The following ATM variants were observed in gnomAD, a reference collection of about 807,000 sequenced individuals.
The protein encoded by ATM is ATM serine/threonine kinase.
Under a neutral mutation model 387.0 loss-of-function variants are expected in ATM, and 308 were observed. The observed-to-expected ratio is 0.80, with a 90% CI of 0.73 to 0.87. The LOEUF (loss-of-function observed/expected upper bound fraction) is 0.87. Ranked by LOEUF, ATM falls within the 40% of genes least tolerant of loss-of-function variation. The pLI is 0.00. For synonymous variants in ATM, 1,156 were observed against 1,187.3 expected (o/e 0.97, Z 0.54); for missense variants, 3,312 against 3,560.9 (o/e 0.93, Z 1.78).
Position 108,302,897 on chromosome 11 carries a change from C to T in ATM, c.5364C>T (p.Gly1788=), listed in dbSNP as rs780134093. 2.5e-6 allele frequency: 4 copies of T among 1,613,222 alleles called. No homozygotes were observed. In the Admixed American group the frequency reaches 6.7e-5, roughly 27 times the overall value. ...PRFDKENPFE[G]LDDINLWIPL... is the part of the protein sequence containing the mutation. ...TTGACAAAGAAAACCCTTTTGAAGGCCTGGATGATATAAATCTGTGGATTC... is the reference window on the plus strand; with the variant it reads ...TTGACAAAGAAAACCCTTTTGAAGGTCTGGATGATATAAATCTGTGGATTC... Residue 1788 remains glycine (G), a synonymous_variant, in exon 36 of 63, where the codon GGC becomes GGT. Coordinates refer to ENST00000675843, the MANE Select transcript of ATM (RefSeq NM_000051.4).
chr11:108,280,896 T>A, intron 23 of ATM, 99 bp from the exon 24 acceptor site: 1 of 1,112,626 alleles, frequency 9.0e-7, no homozygotes, highest in Non-Finnish European at 1.3e-6. Context: ...CTGAAATGTG[T>A]ATAGCTTGTC....
chr11:108,316,592 C>T (rs777077400), intron 42 of ATM, among the ~76,000 whole-genome samples: 1 of 151,850 alleles, frequency 6.6e-6, no homozygotes, highest in Non-Finnish European at 1.5e-5. Flanking sequence ...TTTTGGGAAA[C>T]ATTAAACGAT....
rs751665578 is a variant in ATM, at chr11:108,321,293, G to C, written c.6453-8G>C. The C allele has an allele frequency of 1.2e-6, 2 of 1,612,316 alleles. No individual in the cohort carries two copies. Among genetic ancestry groups the C allele is most frequent in the South Asian group, 2.2e-5 (2 of 90,946 alleles). Reference sequence around the variant, plus strand: ...ATTTTCAGAGTGTCTTTTCTTTTTTGCTACTAGAGTAAAAGAAGTGGAAGA... The same window carrying C: ...ATTTTCAGAGTGTCTTTTCTTTTTTCCTACTAGAGTAAAAGAAGTGGAAGA... On this transcript the variant is annotated splice_polypyrimidine_tract_variant and splice_region_variant and intron_variant, in intron 44 of 62. Coordinates refer to ENST00000675843, the MANE Select transcript of ATM (RefSeq NM_000051.4).
chr11:108,348,529 G>A (rs1312856218), intron 59 of ATM, among the ~76,000 whole-genome samples: 1 of 151,672 alleles, frequency 6.6e-6, no homozygotes, highest in Non-Finnish European at 1.5e-5. Flanking sequence ...AAGTATTAAT[G>A]GGATTTCTAG....
rs2083895280 is a variant in ATM, at chr11:108,308,841, G to A, written c.5762+857G>A. Reference sequence around the variant, plus strand: ...ATGCTTTTCAGTGTCTTTGCTTCTGGTTATTTTACCTTAGAGTTTTATACC... The same window carrying A: ...ATGCTTTTCAGTGTCTTTGCTTCTGATTATTTTACCTTAGAGTTTTATACC... On this transcript the variant is annotated intron_variant, in intron 38 of 62. Transcript: ENST00000675843. The A allele has an allele frequency of 6.9e-6, 4 of 582,816 alleles. No individual in the cohort carries two copies. In the South Asian group the frequency reaches 7.0e-5, roughly 10 times the overall value. 36.1% of individuals were successfully genotyped at this position (582,816 alleles called of 1,614,324 possible). A position where few individuals can be genotyped will look rare whatever the true frequency, so the allele number is the denominator to read the frequency against.
intron 45 of ATM, 29 bp from the exon 46 acceptor site, chr11:108,325,281 T>A: frequency 8.6e-7 from 1 of 1,162,604 alleles, no homozygotes; most frequent in Non-Finnish European, 1.3e-6. Flanking sequence ...TTTCTCTTGC[T>A]TACATGAACT....
At chr11:108,325,195 A>G (rs778916474) in intron 45 of ATM, 115 bp from the exon 46 acceptor site, 12 of 735,864 alleles carry the variant, frequency 1.6e-5, no homozygotes, top group Non-Finnish European at 2.4e-5. Flanking sequence ...TTGTCACTAC[A>G]AAAGTTCCTT....
In ATM at chr11:108,365,853, A is replaced by T; in HGVS notation, c.*345A>T. 1 of 257,696 alleles carries T rather than the reference A, an allele frequency of 3.9e-6. No homozygotes were observed. Among genetic ancestry groups the T allele is most frequent in the Non-Finnish European group, 7.6e-6 (1 of 131,128 alleles). 16.0% of individuals were successfully genotyped at this position (257,696 alleles called of 1,614,324 possible). Reference sequence around the variant, plus strand: ...AGACCAGCCTGGCCAGTATGGTGAAACCCTGTCTCTACTAAAAATACAAAA... The same window carrying T: ...AGACCAGCCTGGCCAGTATGGTGAATCCCTGTCTCTACTAAAAATACAAAA... On this transcript the variant is annotated 3_prime_UTR_variant, in exon 63 of 63. Transcript: ENST00000675843.
At chr11:108,296,246 T>C (rs1416157082) in intron 32 of ATM, among the ~76,000 whole-genome samples, 3 of 152,166 alleles carry the variant, frequency 2.0e-5, no homozygotes, top group African/African-American at 7.2e-5. Flanking sequence ...TACCAATTAA[T>C]TTCATATTTC....
Position 108,368,861 on chromosome 11 carries a change from G to T in ATM, c.*3353G>T. On this transcript the variant is annotated 3_prime_UTR_variant, in exon 63 of 63. Coordinates refer to ENST00000675843, the MANE Select transcript of ATM (RefSeq NM_000051.4). ...TAGGAATGCTAAAAATTTAAATATG[G>T]TCTAAAGCAAATAAAAGCAAAGAGG... is the stretch of plus-strand genomic sequence containing the variant. 5.0e-6 allele frequency: 1 copy of T among 200,704 alleles called. No individual in the cohort carries two copies. 12.4% of individuals were successfully genotyped at this position (200,704 alleles called of 1,614,324 possible). A position where few individuals can be genotyped will look rare whatever the true frequency, so the allele number is the denominator to read the frequency against.
At chr11:108,281,759 T>C (rs1467722791) in intron 24 of ATM, among the ~76,000 whole-genome samples, 4 of 152,200 alleles carry the variant, frequency 2.6e-5, no homozygotes, top group Non-Finnish European at 4.4e-5. Flanking sequence ...ACTGATATTA[T>C]GCCAGTTAAC....
chr11:108,272,948 G>A (rs2135575177), intron 22 of ATM, 96 bp downstream of exon 22: 1 of 1,482,396 alleles, frequency 6.7e-7, no homozygotes, highest in South Asian at 1.1e-5. Context: ...ATTAAAAATA[G>A]CTAACACTTG....
intron 22 of ATM, among the ~76,000 whole-genome samples, chr11:108,275,207 T>G (rs538036151): frequency 2.2e-4 from 33 of 152,342 alleles, no homozygotes; most frequent in African/African-American, 7.0e-4. Context: ...TCTTTCTATT[T>G]GCTTGGTAAA....
At position 108,259,022 on chromosome 11, in the gene ATM, C is replaced by T. The variant is rs780619951; in HGVS notation, c.2413C>T (p.Arg805Ter). 13 of 1,613,688 alleles carry T rather than the reference C, an allele frequency of 8.1e-6. No individual in the cohort carries two copies. Among genetic ancestry groups the T allele is most frequent in the East Asian group, 6.7e-5 (3 of 44,820 alleles). ...TAAGATTGCATCTGGCTTTTTCCTGCGATTGTTAACATCAAAGCTAATGAA... is the reference window on the plus strand; with the variant it reads ...TAAGATTGCATCTGGCTTTTTCCTGTGATTGTTAACATCAAAGCTAATGAA... The part of the protein sequence containing the change: ...PNKIASGFFL[R>*]LLTSKLMNDI... Residue 805 changes from arginine to a stop codon, truncating the protein, a stop_gained, in exon 16 of 63, where the codon CGA becomes TGA. Coordinates refer to ENST00000675843, the MANE Select transcript of ATM (RefSeq NM_000051.4). LOFTEE classifies it high-confidence loss of function.
In ATM at chr11:108,315,852, A is replaced by G. The variant is rs1591776713; in HGVS notation, c.6036A>G (p.Ile2012Met). 1 of 1,613,122 alleles carries G rather than the reference A, an allele frequency of 6.2e-7. No homozygotes were observed. The highest frequency in any genetic ancestry group is 8.5e-7 in the Non-Finnish European group (1 of 1,179,126). Reference sequence around the variant, plus strand: ...TTCTCTTAGAAATCTACAGAAGTATAGGGGAGCCAGATAGTTTGTATGGCT... The same window carrying G: ...TTCTCTTAGAAATCTACAGAAGTATGGGGGAGCCAGATAGTTTGTATGGCT... ...QDLLLEIYRS[I>M]GEPDSLYGCG... The change falls in exon 41 of 63, where the codon ATA (isoleucine) becomes ATG (methionine). Residue 2012 changes from isoleucine (I) to methionine (M), a missense_variant. This residue lies in a region of ATM where 1,405 missense variants were observed against 1,604.4 expected (regional missense o/e 0.88). Transcript: ENST00000675843.
chr11:108,278,145 A>C lies in ATM; in HGVS notation c.3285-1346A>C, dbSNP rs2082045214. 2.0e-5 allele frequency among the ~76,000 whole-genome samples: 3 copies of C among 152,252 alleles called. No individual in the cohort carries two copies. In the South Asian group the frequency reaches 6.2e-4, roughly 31 times the overall value. ...ATAAAAGATTACTATATTGTTCAGC[A>C]GTCACATAAAGTATTAAAACTAATA... On this transcript the variant is annotated intron_variant, in intron 22 of 62. Coordinates refer to ENST00000675843, the MANE Select transcript of ATM (RefSeq NM_000051.4).
chr11:108,271,838 A>G (rs1368378600), intron 20 of ATM, among the ~76,000 whole-genome samples: 1 of 152,194 alleles, frequency 6.6e-6, no homozygotes, highest in Non-Finnish European at 1.5e-5. Context: ...TCTGATTGCT[A>G]AGTAATTCTA....
At chr11:108,272,261 C>T (rs1349219058) in intron 20 of ATM, among the ~76,000 whole-genome samples, 1 of 152,180 alleles carries the variant, frequency 6.6e-6, no homozygotes, top group Non-Finnish European at 1.5e-5. Context: ...AGTAAGTTTA[C>T]TGTAATGTAG....
chr11:108,361,806 A>G (rs2090798553), intron 61 of ATM, among the ~76,000 whole-genome samples: 2 of 152,178 alleles, frequency 1.3e-5, no homozygotes, highest in Admixed American at 6.5e-5. Flanking sequence ...CTCAAGATGG[A>G]TTAAAGACTT....
Sources: allele counts gnomAD v4.1 joint callset (sites outside exome capture counted in the v4.1 genomes callset), GRCh38; gene constraint gnomAD v4.1.1; regional missense constraint gnomAD v4.1.1; transcripts MANE v1.5; gene names NCBI Gene and HGNC (gene_info 2026-07-23, HGNC 2026-07-21).